Variants in ATE1 observed in about 807,000 individuals in gnomAD.
The protein encoded by ATE1 is arginyl-tRNA--protein transferase 1.
ATE1 carries 36 observed loss-of-function variants against 70.5 expected under a neutral mutation model. The ratio of observed to expected loss-of-function variants is 0.51; its 90% confidence interval spans 0.39 to 0.67. The LOEUF is 0.67. Among genes scored for constraint, ATE1 ranks in the 30% least tolerant of loss-of-function variants. The pLI is 0.00. For synonymous variants in ATE1, 232 were observed against 219.3 expected (o/e 1.06, Z -0.51); for missense variants, 593 against 629.5 (o/e 0.94, Z 0.62).
chr10:121,900,687 C>A (rs1336699534), intron 6 of ATE1, among the ~76,000 whole-genome samples: 1 of 152,142 alleles, frequency 6.6e-6, no homozygotes, highest in Non-Finnish European at 1.5e-5. Context: ...ATGAAAACAG[C>A]TGGAAACTGG....
intron 11 of ATE1, among the ~76,000 whole-genome samples, chr10:121,764,682 A>C (rs1945202285): frequency 6.6e-6 from 1 of 152,174 alleles, no homozygotes; most frequent in African/African-American, 2.4e-5. Context: ...AAGAGCCCAA[A>C]GCCTCCCTAC....
At chr10:121,874,190 G>A (rs1949954750) in intron 7 of ATE1, among the ~76,000 whole-genome samples, 1 of 152,074 alleles carries the variant, frequency 6.6e-6, no homozygotes, top group Non-Finnish European at 1.5e-5. Flanking sequence ...TCAGGAATTT[G>A]GAAGCCTTAA....
intron 7 of ATE1, among the ~76,000 whole-genome samples, chr10:121,893,509 CTT>C (rs1328136272): frequency 6.6e-6 from 1 of 151,772 alleles, no homozygotes; most frequent in African/African-American, 2.4e-5. Context: ...CTTTTCTCAA[CTT>C]TATAAAAGAC....
At chr10:121,898,002 T>C (rs1950843510) in intron 7 of ATE1, among the ~76,000 whole-genome samples, 1 of 151,996 alleles carries the variant, frequency 6.6e-6, no homozygotes, top group Non-Finnish European at 1.5e-5. Context: ...TAACCCTCTC[T>C]TTTTAGCTTA....
chr10:121,920,104 C>T (rs1951819850), intron 3 of ATE1, among the ~76,000 whole-genome samples: 1 of 152,030 alleles, frequency 6.6e-6, no homozygotes, highest in Admixed American at 6.5e-5. Context: ...GTAAAACTGT[C>T]TTTTAATTTT....
chr10:121,924,678 C>A (rs1212639245), intron 1 of ATE1, among the ~76,000 whole-genome samples: 1 of 141,752 alleles, frequency 7.1e-6, no homozygotes, highest in East Asian at 2.0e-4. Flanking sequence ...CCAGCCCTGG[C>A]GACAGAGTGA....
intron 11 of ATE1, among the ~76,000 whole-genome samples, chr10:121,752,359 T>A (rs563036867): frequency 1.2e-4 from 18 of 150,266 alleles, no homozygotes; most frequent in Non-Finnish European, 2.5e-4. Context: ...GCCTCCCGAG[T>A]AGCTGGGACT....
chr10:121,916,349 C>T (rs1951658019), intron 3 of ATE1, among the ~76,000 whole-genome samples: 2 of 152,120 alleles, frequency 1.3e-5, no homozygotes, highest in African/African-American at 4.8e-5. Flanking sequence ...GATAGTGGAA[C>T]AAAATTCTAG....
In ATE1 at chr10:121,866,447, CA is replaced by C. The variant is rs773501430; in HGVS notation, c.975+3558del. 1.5e-3 allele frequency among the ~76,000 whole-genome samples: 234 copies of C among 152,130 alleles called. 2 individuals are homozygous for C. The highest frequency in any genetic ancestry group is 1.7e-3 in the Non-Finnish European group (113 of 68,024). ...ATTAAATGATGAAAGCAGACAGAAA[CA>C]GACAGAAATTATCATTAAACTTTGG... On this transcript the variant is annotated intron_variant, in intron 8 of 11. Transcript: ENST00000224652.
intron 8 of ATE1, among the ~76,000 whole-genome samples, chr10:121,853,214 A>G (rs2133889191): frequency 6.6e-6 from 1 of 152,136 alleles, no homozygotes; most frequent in African/African-American, 2.4e-5. Context: ...AATACAAAAA[A>G]TTAGCCGGGC....
intron 2 of ATE1, 91 bp from the exon 3 acceptor site, chr10:121,922,502 A>T: frequency 1.3e-6 from 1 of 756,666 alleles, no homozygotes; most frequent in Non-Finnish European, 2.2e-6. Flanking sequence ...TAAGGTTAAA[A>T]ATCTAATCAA....
intron 8 of ATE1, among the ~76,000 whole-genome samples, chr10:121,853,052 C>T (rs1008956217): frequency 6.6e-6 from 1 of 151,990 alleles, no homozygotes; most frequent in African/African-American, 2.4e-5. Flanking sequence ...AATAAACATG[C>T]ATTAATGTTA....
chr10:121,850,818 G>A (rs1949022795), intron 8 of ATE1, among the ~76,000 whole-genome samples: 1 of 152,164 alleles, frequency 6.6e-6, no homozygotes, highest in Non-Finnish European at 1.5e-5. Flanking sequence ...CAGGCCGGGT[G>A]CAGTGGCTCA....
rs143292417 is a variant in ATE1 at position 121,821,848 on chromosome 10, T to C, written c.1257+14870A>G. On this transcript the variant is annotated intron_variant, in intron 10 of 11. Coordinates refer to ENST00000224652, the MANE Select transcript of ATE1 (RefSeq NM_001001976.3). ...GTGAGCTGAGACTGCGCCACTGCAC[T>C]CCAGCCTGGGCAACAAACAAACAAA... Among the ~76,000 whole-genome samples, 1,433 of 152,260 alleles carry C rather than the reference T, an allele frequency of 9.4e-3. 14 individuals are homozygous for C. Among genetic ancestry groups the C allele is most frequent in the Non-Finnish European group, 0.015 (1,014 of 68,018 alleles).
chr10:121,852,462 A>G (rs1292288917), intron 8 of ATE1, among the ~76,000 whole-genome samples: 1 of 152,112 alleles, frequency 6.6e-6, no homozygotes, highest in African/African-American at 2.4e-5. Flanking sequence ...ATAGAAACAC[A>G]CACTTTGGGA....
chr10:121,751,159 A>G (rs577901930), intron 11 of ATE1, among the ~76,000 whole-genome samples: 17 of 152,368 alleles, frequency 1.1e-4, no homozygotes, highest in African/African-American at 4.1e-4. Flanking sequence ...GCATGTTCAT[A>G]TTCTATAAAG....
intron 8 of ATE1, among the ~76,000 whole-genome samples, chr10:121,860,541 A>T (rs1949431455): frequency 6.6e-6 from 1 of 152,242 alleles, no homozygotes; most frequent in African/African-American, 2.4e-5. Flanking sequence ...ACAACTTAAT[A>T]CTAGAAGCAC....
chr10:121,927,592 G>T (rs532017704), intron 1 of ATE1: 3 of 971,874 alleles, frequency 3.1e-6, no homozygotes, highest in Non-Finnish European at 3.7e-6. Context: ...CCAGACGGGC[G>T]TCCGTCTCCC....
rs907408331 is a variant in ATE1, at chr10:121,740,871, T to C, written c.*2809A>G. ...TTATCTAAATAATTTTAATCAAATG[T>C]ACAACATATTTATCTGATATCATCT... On this transcript the variant is annotated 3_prime_UTR_variant, in exon 12 of 12. Transcript: ENST00000224652. 6.6e-5 allele frequency: 10 copies of C among 152,276 alleles called. No individual in the cohort carries two copies. The highest frequency in any genetic ancestry group is 5.9e-4 in the Admixed American group (9 of 15,294). The allele number at this position is 152,276 out of a possible 1,614,324, so 9.4% of individuals were successfully genotyped here.
Sources: gnomAD v4.1 joint callset for allele counts (sites outside exome capture counted in the v4.1 genomes callset) on GRCh38, gnomAD v4.1.1 for gene constraint, MANE v1.5 for transcripts, NCBI Gene and HGNC (gene_info 2026-07-23, HGNC 2026-07-21) for gene names.